SH3GL2: variants seen among roughly 807,000 people sequenced by gnomAD.
SH3GL2 encodes SH3 domain containing GRB2 like 2, endophilin A1.
SH3GL2 carries 24 observed loss-of-function variants against 46.0 expected under a neutral mutation model. That is an observed-to-expected ratio of 0.52 (90% confidence interval 0.38 to 0.73). The LOEUF is 0.73. Among genes scored for constraint, SH3GL2 ranks in the 30% least tolerant of loss-of-function variants. The pLI, the probability that SH3GL2 is intolerant of heterozygous loss-of-function variation, is 0.00. For synonymous variants in SH3GL2, 196 were observed against 147.1 expected (o/e 1.33, Z -2.40); for missense variants, 413 against 424.2 (o/e 0.97, Z 0.23).
At chr9:17,760,496 G>C (rs778481555) in intron 2 of SH3GL2, among the ~76,000 whole-genome samples, 4 of 151,764 alleles carry the variant, frequency 2.6e-5, no homozygotes, top group Admixed American at 6.6e-5. Context: ...TTATATACTG[G>C]TATATATTAT....
At chr9:17,606,080 G>T (rs1466560891) in intron 1 of SH3GL2, among the ~76,000 whole-genome samples, 4 of 113,244 alleles carry the variant, frequency 3.5e-5, no homozygotes, top group Non-Finnish European at 8.2e-5. Context: ...CTTCACTTGC[G>T]TGAGGTTTGT....
rs540891225 is a variant in SH3GL2 at position 17,777,571 on chromosome 9, A to G, written c.188-8810A>G. On this transcript the variant is annotated intron_variant, in intron 3 of 8. Coordinates refer to ENST00000380607, the MANE Select transcript of SH3GL2 (RefSeq NM_003026.5). Reference sequence around the variant, plus strand: ...ATTTTCTTGCAGTTCTGGAGGTTATATAGTCCAAGATCAAGTTGCTTGACC... The same window carrying G: ...ATTTTCTTGCAGTTCTGGAGGTTATGTAGTCCAAGATCAAGTTGCTTGACC... Among the ~76,000 whole-genome samples, 12 of 152,262 alleles carry G rather than the reference A, an allele frequency of 7.9e-5. 1 individual carries two copies. Among genetic ancestry groups the G allele is most frequent in the African/African-American group, 2.4e-4 (10 of 41,560 alleles).
intron 1 of SH3GL2, among the ~76,000 whole-genome samples, chr9:17,643,338 T>C (rs1819731159): frequency 6.6e-6 from 1 of 152,012 alleles, no homozygotes; most frequent in East Asian, 1.9e-4. Context: ...CTGCAGACAA[T>C]AGTTTGAGTT....
intron 1 of SH3GL2, among the ~76,000 whole-genome samples, chr9:17,715,700 A>C (rs969821534): frequency 2.0e-5 from 3 of 151,872 alleles, no homozygotes; most frequent in African/African-American, 7.2e-5. Context: ...CTGTTCCTCA[A>C]CTCATAATGG....
chr9:17,668,556 A>C (rs1820398136), intron 1 of SH3GL2, among the ~76,000 whole-genome samples: 1 of 152,208 alleles, frequency 6.6e-6, no homozygotes, highest in African/African-American at 2.4e-5. Context: ...AGCTAAAGAA[A>C]GTTTTTTCCT....
rs555886362 is a variant in SH3GL2, at chr9:17,656,351, GTAAC to G, written c.45+77066_45+77069del. ...ACTAATGTATCATAAAATCGGTAGAGTAACTGACTAGCTTTATGAAATTGTAAAT... is the reference window on the plus strand; with the variant it reads ...ACTAATGTATCATAAAATCGGTAGAGTGACTAGCTTTATGAAATTGTAAAT... On this transcript the variant is annotated intron_variant, in intron 1 of 8. Coordinates refer to ENST00000380607, the MANE Select transcript of SH3GL2 (RefSeq NM_003026.5). Among the ~76,000 whole-genome samples, 1,087 of 152,094 alleles carry G rather than the reference GTAAC, an allele frequency of 7.1e-3. 16 individuals are homozygous for G. Among genetic ancestry groups the G allele is most frequent in the African/African-American group, 0.024 (997 of 41,510 alleles).
chr9:17,657,265 AACAG>A (rs1820108029), intron 1 of SH3GL2, among the ~76,000 whole-genome samples: 2 of 152,190 alleles, frequency 1.3e-5, no homozygotes, highest in Non-Finnish European at 2.9e-5. Context: ...GAGATACATG[AACAG>A]ACAATTTTTA....
At chr9:17,730,578 A>G (rs1822150795) in intron 1 of SH3GL2, among the ~76,000 whole-genome samples, 1 of 152,126 alleles carries the variant, frequency 6.6e-6, no homozygotes, top group East Asian at 1.9e-4. Context: ...CCCATTCAAT[A>G]TGATATTGGC....
At chr9:17,768,478 C>T (rs569334264) in intron 3 of SH3GL2, among the ~76,000 whole-genome samples, 15 of 151,756 alleles carry the variant, frequency 9.9e-5, no homozygotes, top group South Asian at 6.2e-4. Context: ...TGGCACCTCA[C>T]GTGAATAGTC....
At chr9:17,645,890 C>T (rs959898048) in intron 1 of SH3GL2, among the ~76,000 whole-genome samples, 20 of 151,992 alleles carry the variant, frequency 1.3e-4, no homozygotes, top group African/African-American at 4.6e-4. Flanking sequence ...GTGGTGTTCT[C>T]TGTATTTCCT....
At chr9:17,581,559 G>T (rs1818277456) in intron 1 of SH3GL2, among the ~76,000 whole-genome samples, 1 of 152,156 alleles carries the variant, frequency 6.6e-6, no homozygotes, top group South Asian at 2.1e-4. Flanking sequence ...TAGAGAAATA[G>T]TCCTGTCCTA....
At position 17,582,433 on chromosome 9, in the gene SH3GL2, A is replaced by G. The variant is rs185258632; in HGVS notation, c.45+3146A>G. ...TTTAGTGAGTTTTATTCATATTGAG[A>G]TTTCATTTTACAAAAGTCATGTCAG... On this transcript the variant is annotated intron_variant, in intron 1 of 8. Transcript: ENST00000380607. Among the ~76,000 whole-genome samples the G allele has an allele frequency of 1.6e-4, 25 of 152,250 alleles. No homozygotes were observed. The East Asian group carries it at 3.1e-3, about 19-fold the overall frequency.
At chr9:17,637,087 C>G (rs1282331376) in intron 1 of SH3GL2, among the ~76,000 whole-genome samples, 1 of 152,168 alleles carries the variant, frequency 6.6e-6, no homozygotes, top group Non-Finnish European at 1.5e-5. Context: ...CTCTTCTGGT[C>G]TGAGAAGAAC....
chr9:17,594,619 A>G (rs1286782460), intron 1 of SH3GL2, among the ~76,000 whole-genome samples: 1 of 152,156 alleles, frequency 6.6e-6, no homozygotes, highest in African/African-American at 2.4e-5. Flanking sequence ...CACGTTCTGC[A>G]CATGTATCCT....
intron 1 of SH3GL2, among the ~76,000 whole-genome samples, chr9:17,675,006 C>A (rs1041756402): frequency 2.0e-5 from 3 of 152,130 alleles, no homozygotes; most frequent in Non-Finnish European, 4.4e-5. Flanking sequence ...AAGGGGTGTG[C>A]ATACAGGGAT....
chr9:17,736,144 A>G (rs938654791), intron 1 of SH3GL2, among the ~76,000 whole-genome samples: 1 of 152,046 alleles, frequency 6.6e-6, no homozygotes, highest in Non-Finnish European at 1.5e-5. Context: ...AGCATTCAGG[A>G]CATTCAGCCC....
Position 17,608,131 on chromosome 9 carries a change from A to G in SH3GL2, c.45+28844A>G, listed in dbSNP as rs185870220. ...AATAAAATCTCTTTTTGAATTTAGA[A>G]TTTGTAAGCTTTCCTCTTTTTTTTT... On this transcript the variant is annotated intron_variant, in intron 1 of 8. Transcript: ENST00000380607. 2.1e-5 allele frequency among the ~76,000 whole-genome samples: 3 copies of G among 146,224 alleles called. No homozygotes were observed. The Admixed American group carries it at 2.1e-4, about 10-fold the overall frequency.
chr9:17,763,767 G>T (rs1323513058), intron 3 of SH3GL2, among the ~76,000 whole-genome samples: 3 of 152,242 alleles, frequency 2.0e-5, no homozygotes, highest in East Asian at 1.9e-4. Flanking sequence ...AGAATTTAAG[G>T]AACTTTCCCA....
intron 1 of SH3GL2, among the ~76,000 whole-genome samples, chr9:17,710,865 T>C (rs974373236): frequency 6.6e-6 from 1 of 151,952 alleles, no homozygotes; most frequent in Non-Finnish European, 1.5e-5. Context: ...CCCCAATGTA[T>C]GCCTGAAACT....
Sources: gnomAD v4.1 joint callset for allele counts (sites outside exome capture counted in the v4.1 genomes callset) on GRCh38, gnomAD v4.1.1 for gene constraint, MANE v1.5 for transcripts, NCBI Gene and HGNC (gene_info 2026-07-23, HGNC 2026-07-21) for gene names.